Variants in CASZ1 observed in about 807,000 individuals in gnomAD.
CASZ1 encodes zinc finger protein castor homolog 1.
CASZ1 carries 28 observed loss-of-function variants against 135.2 expected under a neutral mutation model. That is an observed-to-expected ratio of 0.21 (90% CI 0.15 to 0.28). The LOEUF is 0.28. CASZ1 is among the 10% of genes least tolerant of loss of function. CASZ1 has a pLI of 1.00. For synonymous variants in CASZ1, 1,068 were observed against 1,073.4 expected, an observed-to-expected ratio of 0.99 and a Z score of 0.10; for missense variants, 2,161 against 2,453.3, an observed-to-expected ratio of 0.88 and a Z score of 2.52.
chr1:10,672,253 AT>A (rs1236386682), intron 4 of CASZ1, among the ~76,000 whole-genome samples: 205 of 142,518 alleles, frequency 1.4e-3, no homozygotes, highest in Non-Finnish European at 2.3e-3. Flanking sequence ...AAACACAAAT[AT>A]GCCATAACTC....
chr1:10,700,080 GACACAC>G lies in CASZ1; in HGVS notation c.-24+5406_-24+5411del, dbSNP rs572824153. On this transcript the variant is annotated intron_variant, in intron 3 of 20. Transcript: ENST00000377022. The surrounding 1 kb of genome is among the most constrained non-coding windows in gnomAD (Gnocchi z 4.2). The stretch of plus-strand genomic sequence containing the variant: ...AGACAGAGAGAGAAAGAGAGATAGA[GACACAC>G]ACACACACACACACACACACACACA... Among the ~76,000 whole-genome samples the G allele has an allele frequency of 1.9e-4, 26 of 134,078 alleles. No homozygotes were observed. Among genetic ancestry groups the G allele is most frequent in the East Asian group, 4.5e-4 (2 of 4,456 alleles). The allele number at this position is 134,078 out of a possible 152,430, so 88.0% of individuals were successfully genotyped here. A position where few individuals can be genotyped will look rare whatever the true frequency, so the allele number is the denominator to read the frequency against.
In CASZ1 at chr1:10,647,428, AG is replaced by A. The variant is rs1642394705; in HGVS notation, c.3497+372del. 8.8e-7 allele frequency: 1 copy of A among 1,136,910 alleles called. No individual in the cohort carries two copies. The highest frequency in any genetic ancestry group is 1.6e-5 in the African/African-American group (1 of 61,244). The allele number at this position is 1,136,910 out of a possible 1,614,324, so 70.4% of individuals were successfully genotyped here. On this transcript the variant is annotated intron_variant, in intron 16 of 20. Coordinates refer to ENST00000377022, the MANE Select transcript of CASZ1 (RefSeq NM_001079843.3). The surrounding 1 kb of genome is among the most constrained non-coding windows in gnomAD (Gnocchi z 4.9). The stretch of plus-strand genomic sequence containing the variant: ...CTGCAGAGATTCAGCCATGGGTGTG[AG>A]CCACAGAGGAGGCCAATACGGAGGC...
chr1:10,643,301 G>A lies in CASZ1; in HGVS notation c.3879C>T (p.Tyr1293=). 6.2e-7 allele frequency: 1 copy of A among 1,612,830 alleles called. No homozygotes were observed. Among genetic ancestry groups the A allele is most frequent in the Non-Finnish European group, 8.5e-7 (1 of 1,179,970 alleles). The change falls in exon 19 of 21, where the codon TAC becomes TAT. Residue 1293 remains tyrosine, a synonymous_variant. Transcript: ENST00000377022. ...REECGRLGCK[Y]NQVNSHFHCI... ...AGTGGAAGTGGCTGTTCACCTGGTT[G>A]TACTTGCAACCTGTGGACACAGCCC...
rs150917748 is a variant in CASZ1, at chr1:10,649,330, C to T, written c.2988G>A (p.Ala996=). The change falls in exon 14 of 21, where the codon GCG becomes GCA. Residue 996 remains alanine (A), a synonymous_variant. Coordinates refer to ENST00000377022, the MANE Select transcript of CASZ1 (RefSeq NM_001079843.3). The part of the protein sequence containing the change: ...PSPFLGKAVK[A]LVQEKLAEPW... The stretch of plus-strand genomic sequence containing the variant: ...GCTCTGCCAACTTCTCCTGAACCAG[C>T]GCCTTCACGGCCTTGCCTAGGAAGG... The T allele has an allele frequency of 1.2e-4, 188 of 1,596,834 alleles. No individual in the cohort carries two copies. Among genetic ancestry groups the T allele is most frequent in the East Asian group, 2.3e-4 (10 of 44,072 alleles).
At position 10,647,577 on chromosome 1, in the gene CASZ1, C is replaced by T; in HGVS notation, c.3497+224G>A. On this transcript the variant is annotated intron_variant, in intron 16 of 20. Transcript: ENST00000377022. The surrounding 1 kb of genome is among the most constrained non-coding windows in gnomAD (Gnocchi z 4.9). The stretch of plus-strand genomic sequence containing the variant: ...TGCCCTGCAGGAGCAGTAGCCACTG[C>T]CGCCACCATCGGCCCACGCGGGCTG... 1 of 1,416,476 alleles carries T rather than the reference C, an allele frequency of 7.1e-7. No individual in the cohort carries two copies. Among genetic ancestry groups the T allele is most frequent in the South Asian group, 1.5e-5 (1 of 66,948 alleles). 87.7% of individuals were successfully genotyped at this position (1,416,476 alleles called of 1,614,324 possible). A position where few individuals can be genotyped will look rare whatever the true frequency, so the allele number is the denominator to read the frequency against.
rs1643234341 is a variant in CASZ1, at chr1:10,666,409, C to CAT, written c.17-840_17-839dup. 6.6e-6 allele frequency among the ~76,000 whole-genome samples: 1 copy of CAT among 152,150 alleles called. No individual in the cohort carries two copies. The highest frequency in any genetic ancestry group is 2.4e-5 in the African/African-American group (1 of 41,414). On this transcript the variant is annotated intron_variant, in intron 4 of 20. Transcript: ENST00000377022. The surrounding 1 kb of genome is among the most constrained non-coding windows in gnomAD (Gnocchi z 5.2). The stretch of plus-strand genomic sequence containing the variant: ...TCAGAGCCATCCAAGTGGAGTTCCT[C>CAT]ATGGCACTTCCTAGGGCCACTTGTC...
chr1:10,717,706 A>G lies in CASZ1; in HGVS notation c.-76-12162T>C, dbSNP rs1639420352. On this transcript the variant is annotated intron_variant, in intron 2 of 20. Transcript: ENST00000377022. The surrounding 1 kb of genome is among the most constrained non-coding windows in gnomAD (Gnocchi z 4.6). ...AGAAAACCCTTGCCAATTCCCCCCC[A>G]ACTGATGTCAGAGCTGCCGGCACCC... is the stretch of plus-strand genomic sequence containing the variant. 6.6e-6 allele frequency among the ~76,000 whole-genome samples: 1 copy of G among 151,894 alleles called. No homozygotes were observed. The highest frequency in any genetic ancestry group is 2.4e-5 in the African/African-American group (1 of 41,318).
intron 4 of CASZ1, among the ~76,000 whole-genome samples, chr1:10,686,775 C>T (rs1403980746): frequency 6.6e-6 from 1 of 152,236 alleles, no homozygotes; most frequent in Non-Finnish European, 1.5e-5. Context: ...CAAACTCAGC[C>T]AAGGAACCTC....
rs1355467763 is a variant in CASZ1 at position 10,638,581 on chromosome 1, G to A, written c.*361C>T. On this transcript the variant is annotated 3_prime_UTR_variant, in exon 21 of 21. Transcript: ENST00000377022. The surrounding 1 kb of genome is among the most constrained non-coding windows in gnomAD (Gnocchi z 5.9). ...GGTGGGGGTCCCGGTGGCCCCCAGCGCCCGTCCCAGTCCTGAGCAATGGTC... is the reference window on the plus strand; with the variant it reads ...GGTGGGGGTCCCGGTGGCCCCCAGCACCCGTCCCAGTCCTGAGCAATGGTC... The A allele has an allele frequency of 1.3e-5, 2 of 152,198 alleles. No homozygotes were observed. The highest frequency in any genetic ancestry group is 6.5e-5 in the Admixed American group (1 of 15,280). The allele number at this position is 152,198 out of a possible 1,614,324, so 9.4% of individuals were successfully genotyped here.
rs1049497196 is a variant in CASZ1, at chr1:10,707,479, A to G, written c.-76-1935T>C. Among the ~76,000 whole-genome samples, 1 of 152,172 alleles carries G rather than the reference A, an allele frequency of 6.6e-6. No individual in the cohort carries two copies. Among genetic ancestry groups the G allele is most frequent in the Admixed American group, 6.5e-5 (1 of 15,288 alleles). ...ACAAGAAGCTTAGAGAGCAACTTGC[A>G]GATCTGATCACACAGAACAATCAGG... On this transcript the variant is annotated intron_variant, in intron 2 of 20. Coordinates refer to ENST00000377022, the MANE Select transcript of CASZ1 (RefSeq NM_001079843.3). The surrounding 1 kb of genome is among the most constrained non-coding windows in gnomAD (Gnocchi z 5.0).
chr1:10,725,799 G>A lies in CASZ1; in HGVS notation c.-76-20255C>T, dbSNP rs560188845. Among the ~76,000 whole-genome samples, 5 of 152,062 alleles carry A rather than the reference G, an allele frequency of 3.3e-5. No homozygotes were observed. The highest frequency in any genetic ancestry group is 5.9e-5 in the Non-Finnish European group (4 of 67,986). ...GGTGAGTGACAAGACAGCGGCAGTGGGGTGGGGAGGGAATGGCAAGGGGGG... is the reference window on the plus strand; with the variant it reads ...GGTGAGTGACAAGACAGCGGCAGTGAGGTGGGGAGGGAATGGCAAGGGGGG... On this transcript the variant is annotated intron_variant, in intron 2 of 20. Transcript: ENST00000377022. This position sits in a 1 kb window ranked among gnomAD's most constrained non-coding sequence, Gnocchi z 4.4.
chr1:10,755,365 G>A lies in CASZ1; in HGVS notation c.-77+5336C>T, dbSNP rs1017291361. 6.6e-6 allele frequency among the ~76,000 whole-genome samples: 1 copy of A among 152,194 alleles called. No individual in the cohort carries two copies. Among genetic ancestry groups the A allele is most frequent in the African/African-American group, 2.4e-5 (1 of 41,438 alleles). Reference sequence around the variant, plus strand: ...TCAGGACTCCGGGACTCCTCCATGTGTGAGACCTGACGTCGCCTCTCCAAT... The same window carrying A: ...TCAGGACTCCGGGACTCCTCCATGTATGAGACCTGACGTCGCCTCTCCAAT... On this transcript the variant is annotated intron_variant, in intron 2 of 20. Coordinates refer to ENST00000377022, the MANE Select transcript of CASZ1 (RefSeq NM_001079843.3). The surrounding 1 kb of genome is among the most constrained non-coding windows in gnomAD (Gnocchi z 4.3).
At chr1:10,651,112 C>T (rs1298179139) in intron 11 of CASZ1, 36 bp from the exon 12 acceptor site, 4 of 1,453,222 alleles carry the variant, frequency 2.8e-6, no homozygotes, top group Non-Finnish European at 3.6e-6. Flanking sequence ...GTCAGAGGGG[C>T]TGAAGGCCTG....
intron 2 of CASZ1, among the ~76,000 whole-genome samples, chr1:10,729,606 G>A (rs1288507507): frequency 6.6e-6 from 1 of 152,202 alleles, no homozygotes; most frequent in African/African-American, 2.4e-5. Flanking sequence ...GCCTCTTCCC[G>A]AGACCCTCTC....
chr1:10,793,912 G>C (rs191748896), intron 1 of CASZ1, among the ~76,000 whole-genome samples: 2,151 of 152,266 alleles, frequency 0.014, 59 homozygotes, highest in African/African-American at 0.048. Context: ...TGGCGCGGGC[G>C]GCCGGAGATT....
intron 5 of CASZ1, among the ~76,000 whole-genome samples, chr1:10,664,304 T>C (rs548224351): frequency 1.3e-5 from 2 of 152,168 alleles, no homozygotes; most frequent in South Asian, 2.1e-4. Flanking sequence ...CTGGGGGCTG[T>C]GGTCCTGGCG....
chr1:10,648,820 C>T (rs1642458013), intron 15 of CASZ1: 4 of 517,236 alleles, frequency 7.7e-6, no homozygotes, highest in South Asian at 2.2e-5. Flanking sequence ...GCCCTGGGGA[C>T]GTGGGTGCAG....
intron 2 of CASZ1, among the ~76,000 whole-genome samples, chr1:10,733,060 A>C (rs908303627): frequency 3.3e-5 from 5 of 152,160 alleles, no homozygotes; most frequent in African/African-American, 1.2e-4. Flanking sequence ...TAGAGCAGAG[A>C]TGTGGAATTT....
At chr1:10,691,415 G>A (rs1036467199) in intron 4 of CASZ1, among the ~76,000 whole-genome samples, 7 of 152,162 alleles carry the variant, frequency 4.6e-5, no homozygotes, top group Admixed American at 2.0e-4. Flanking sequence ...TCCCACCACT[G>A]ACTTCCTCAT....
Sources: gnomAD v4.1 joint callset for allele counts (sites outside exome capture counted in the v4.1 genomes callset) on GRCh38, gnomAD v4.1.1 for gene constraint, Gnocchi (gnomAD v3.1) non-coding constraint, MANE v1.5 for transcripts, NCBI Gene and HGNC (gene_info 2026-07-23, HGNC 2026-07-21) for gene names.